Variants in AR observed in about 807,000 individuals in gnomAD.
The protein encoded by AR is dihydrotestosterone receptor.
Under a neutral mutation model 53.9 loss-of-function variants are expected in AR, and 8 were observed. The observed-to-expected ratio is 0.15, with a 90% CI of 0.09 to 0.27. The LOEUF (loss-of-function observed/expected upper bound fraction) is 0.27. AR is among the 10% of genes least tolerant of loss of function. The pLI is 1.00. For synonymous variants in AR, 359 were observed against 316.4 expected (o/e 1.13, Z -1.43); for missense variants, 639 against 742.5 (o/e 0.86, Z 1.62).
At chrX:67,706,149 T>C (rs1225971938) in intron 3 of AR, among the ~76,000 whole-genome samples, 1 of 111,929 alleles carries the variant, frequency 8.9e-6, no homozygotes, top group African/African-American at 3.3e-5. Context: ...ATCAGGATGA[T>C]GCTGGCCTCA....
chrX:67,595,146 C>T (rs1166535096), intron 1 of AR, among the ~76,000 whole-genome samples: 1 of 111,459 alleles, frequency 9.0e-6, no homozygotes, highest in Non-Finnish European at 1.9e-5. Flanking sequence ...ACCTGCCTCT[C>T]TGAAAACATG....
intron 1 of AR, among the ~76,000 whole-genome samples, chrX:67,636,482 A>C (rs1450556370): frequency 8.9e-6 from 1 of 111,858 alleles, no homozygotes; most frequent in Non-Finnish European, 1.9e-5. Flanking sequence ...AACTATGTGT[A>C]GCTCGATTCC....
chrX:67,563,705 T>G (rs1159988392), intron 1 of AR, among the ~76,000 whole-genome samples: 2 of 112,007 alleles, frequency 1.8e-5, no homozygotes, highest in South Asian at 3.7e-4. Flanking sequence ...AGTTATTAAG[T>G]TACTTCCCTC....
At chrX:67,710,103 T>TAG (rs200808225) in intron 3 of AR, among the ~76,000 whole-genome samples, 74 of 107,719 alleles carry the variant, frequency 6.9e-4, no homozygotes, top group African/African-American at 2.2e-3. Flanking sequence ...TGTGTGTGTT[T>TAG]AGAGAGAGAG....
intron 2 of AR, among the ~76,000 whole-genome samples, chrX:67,654,200 TG>T (rs1926482011): frequency 9.0e-6 from 1 of 111,370 alleles, no homozygotes; most frequent in African/African-American, 3.3e-5. Flanking sequence ...AACTAAATGA[TG>T]TGTAATAAAG....
At chrX:67,610,427 G>A (rs1185229410) in intron 1 of AR, among the ~76,000 whole-genome samples, 1 of 110,824 alleles carries the variant, frequency 9.0e-6, no homozygotes, top group Non-Finnish European at 1.9e-5. Context: ...GAAAAAAAAG[G>A]TATGAAAATT....
chrX:67,675,612 A>G (rs1384215808), intron 2 of AR, among the ~76,000 whole-genome samples: 3 of 111,468 alleles, frequency 2.7e-5, no homozygotes, highest in African/African-American at 9.8e-5. Context: ...AGTCACTGCA[A>G]TCTTCCTCTC....
intron 1 of AR, among the ~76,000 whole-genome samples, chrX:67,624,445 A>G (rs1379332598): frequency 8.9e-6 from 1 of 111,816 alleles, no homozygotes; most frequent in Non-Finnish European, 1.9e-5. Flanking sequence ...ACTATCAAAT[A>G]TTTAAGGAAG....
chrX:67,609,057 TAA>T, intron 1 of AR, among the ~76,000 whole-genome samples: 1 of 111,000 alleles, frequency 9.0e-6, no homozygotes, highest in Middle Eastern at 4.6e-3. Context: ...AGTACAGATA[TAA>T]GACATTTTCA....
chrX:67,724,127 A>G lies in AR; in HGVS notation c.*286A>G. On this transcript the variant is annotated 3_prime_UTR_variant, in exon 8 of 8. Transcript: ENST00000374690. ...TTTGAATGGTGTTGTATGCCTTTAA[A>G]TCTGTGATGATCCTCATATGGCCCA... 2 of 354,785 alleles carry G rather than the reference A, an allele frequency of 5.6e-6. No individual in the cohort carries two copies. The highest frequency in any genetic ancestry group is 9.9e-6 in the Non-Finnish European group (2 of 202,149). The allele number at this position is 354,785 out of a possible 1,213,427, so 29.2% of individuals were successfully genotyped here.
intron 1 of AR, among the ~76,000 whole-genome samples, chrX:67,583,016 A>C (rs1248902858): frequency 8.9e-6 from 1 of 111,953 alleles, no homozygotes; most frequent in African/African-American, 3.2e-5. Flanking sequence ...GTCATTGCAA[A>C]CAGCAGTGCC....
intron 1 of AR, among the ~76,000 whole-genome samples, chrX:67,569,670 C>T (rs915570809): frequency 9.0e-6 from 1 of 111,366 alleles, no homozygotes; most frequent in Non-Finnish European, 1.9e-5. Context: ...GTTTGCACGT[C>T]TCTGTCTATG....
At position 67,706,182 on chromosome X, in the gene AR, C is replaced by T. The variant is rs1214628388; in HGVS notation, c.1886-5220C>T. Among the ~76,000 whole-genome samples the T allele has an allele frequency of 2.9e-4, 32 of 111,515 alleles. No homozygotes were observed. In the Admixed American group the frequency reaches 3.0e-3, roughly 11 times the overall value. On this transcript the variant is annotated intron_variant, in intron 3 of 7. Transcript: ENST00000374690. The stretch of plus-strand genomic sequence containing the variant: ...TCATAAAATGAGTTAGGGAGGATTC[C>T]CTCTTTTTCTAGTGATTGGAATGGT...
At chrX:67,636,468 A>T in intron 1 of AR, among the ~76,000 whole-genome samples, 1 of 111,967 alleles carries the variant, frequency 8.9e-6, no homozygotes, top group Non-Finnish European at 1.9e-5. Flanking sequence ...AGTATTTGAG[A>T]TTCAACTATG....
intron 1 of AR, among the ~76,000 whole-genome samples, chrX:67,614,255 T>G (rs1398489574): frequency 9.0e-6 from 1 of 111,653 alleles, no homozygotes; most frequent in Non-Finnish European, 1.9e-5. Context: ...AAACTTTTCA[T>G]TGGTGCCATG....
chrX:67,608,125 A>G (rs922642699), intron 1 of AR, among the ~76,000 whole-genome samples: 3 of 112,295 alleles, frequency 2.7e-5, no homozygotes, highest in African/African-American at 9.7e-5. Flanking sequence ...GTTTCATAAC[A>G]CTTTGTAGTC....
chrX:67,720,454 A>G (rs1183345886), intron 5 of AR, among the ~76,000 whole-genome samples: 1 of 111,782 alleles, frequency 8.9e-6, no homozygotes, highest in East Asian at 2.8e-4. Context: ...CAGCATTGTC[A>G]TCAACAGAGG....
At chrX:67,641,270 C>T (rs987133814) in intron 1 of AR, among the ~76,000 whole-genome samples, 1 of 111,816 alleles carries the variant, frequency 8.9e-6, no homozygotes, top group African/African-American at 3.2e-5. Context: ...AGGGATGATA[C>T]ACAGCTACCT....
Position 67,726,685 on chromosome X carries a change from A to G in AR, c.*2844A>G, listed in dbSNP as rs1265846695. 1 of 174,791 alleles carries G rather than the reference A, an allele frequency of 5.7e-6. No individual in the cohort carries two copies. Among genetic ancestry groups the G allele is most frequent in the African/African-American group, 2.9e-5 (1 of 34,128 alleles). 14.4% of individuals were successfully genotyped at this position (174,791 alleles called of 1,213,427 possible). A position where few individuals can be genotyped will look rare whatever the true frequency, so the allele number is the denominator to read the frequency against. ...CTCTTTCTGTGCTTGGGTTTGAGTG[A>G]ACAAAGGAGATTTTAGCTTGGCTCT... is the stretch of plus-strand genomic sequence containing the variant. On this transcript the variant is annotated 3_prime_UTR_variant, in exon 8 of 8. Transcript: ENST00000374690.
Sources: allele counts gnomAD v4.1 joint callset (sites outside exome capture counted in the v4.1 genomes callset), GRCh38; gene constraint gnomAD v4.1.1; transcripts MANE v1.5; gene names NCBI Gene and HGNC (gene_info 2026-07-23, HGNC 2026-07-21).